Variants in PLXNA4 observed in about 807,000 individuals in gnomAD.
PLXNA4 encodes plexin-A4.
A neutral mutation model predicts 191.8 loss-of-function variants in PLXNA4; 44 were observed. The ratio of observed to expected loss-of-function variants is 0.23; its 90% CI spans 0.18 to 0.29. PLXNA4 has a LOEUF of 0.29. Among genes scored for constraint, PLXNA4 ranks in the 10% least tolerant of loss-of-function variants. The pLI is 1.00. For synonymous variants in PLXNA4, 1,082 were observed against 1,009.5 expected (o/e 1.07, Z -1.36); for missense variants, 1,800 against 2,488.8 (o/e 0.72, Z 5.89).
At chr7:132,189,031 A>G (rs1255085525) in intron 14 of PLXNA4, among the ~76,000 whole-genome samples, 5 of 28,246 alleles carry the variant, frequency 1.8e-4, no homozygotes, top group African/African-American at 6.9e-4. Context: ...AGAGAGAGAA[A>G]GAGAGAGAGA....
At chr7:132,557,198 G>A (rs1425290766) in intron 1 of PLXNA4, among the ~76,000 whole-genome samples, 1 of 152,200 alleles carries the variant, frequency 6.6e-6, no homozygotes, top group African/African-American at 2.4e-5. Context: ...CCTGTGATCA[G>A]TCACAAAATT....
intron 4 of PLXNA4, among the ~76,000 whole-genome samples, chr7:132,289,314 CACTT>C (rs1800797758): frequency 6.6e-6 from 1 of 152,222 alleles, no homozygotes; most frequent in African/African-American, 2.4e-5. Flanking sequence ...ATCCTGACTC[CACTT>C]AATCCACTTG....
chr7:132,151,290 G>A (rs140546173), intron 25 of PLXNA4, among the ~76,000 whole-genome samples: 677 of 57,498 alleles, frequency 0.012, 13 homozygotes, highest in African/African-American at 0.045. Context: ...AGGAGGAGGA[G>A]GAAGAAGAAG....
Position 132,130,282 on chromosome 7 carries a change from G to A in PLXNA4, c.*197C>T, listed in dbSNP as rs1372114438. On this transcript the variant is annotated 3_prime_UTR_variant, in exon 32 of 32. Transcript: ENST00000321063. ...AGGGTCAGTGGCTTGGTCCAATCGTGTTGGCAGAGCAACTGGAAGAGAAGA... is the reference window on the plus strand; with the variant it reads ...AGGGTCAGTGGCTTGGTCCAATCGTATTGGCAGAGCAACTGGAAGAGAAGA... 4.0e-6 allele frequency: 3 copies of A among 745,350 alleles called. No homozygotes were observed. Among genetic ancestry groups the A allele is most frequent in the Non-Finnish European group, 6.3e-6 (3 of 475,022 alleles). 46.2% of individuals were successfully genotyped at this position (745,350 alleles called of 1,614,324 possible).
intron 2 of PLXNA4, among the ~76,000 whole-genome samples, chr7:132,583,065 CACTT>C (rs1474439534): frequency 6.6e-6 from 1 of 152,196 alleles, no homozygotes; most frequent in East Asian, 1.9e-4. Flanking sequence ...ATCCAGCACT[CACTT>C]AAGATGGGCC....
upstream of PLXNA4, among the ~76,000 whole-genome samples, chr7:132,580,647 T>C (rs1036893222): frequency 6.6e-6 from 1 of 152,178 alleles, no homozygotes; most frequent in Admixed American, 6.5e-5. Context: ...ACCAGTTTAA[T>C]AGGAAAGAGG....
chr7:132,165,289 A>G lies in PLXNA4; in HGVS notation c.4287-89T>C, dbSNP rs1796089335. 3 of 1,515,380 alleles carry G rather than the reference A, an allele frequency of 2.0e-6. No individual in the cohort carries two copies. In the Admixed American group the frequency reaches 5.9e-5, roughly 30 times the overall value. The allele number at this position is 1,515,380 out of a possible 1,614,324, so 93.9% of individuals were successfully genotyped here. A position where few individuals can be genotyped will look rare whatever the true frequency, so the allele number is the denominator to read the frequency against. ...CGTGGGCTGGGAAGGGCAAGGGAGG[A>G]ATTGTGCATTGATCTTGCTGCTTCT... On this transcript the variant is annotated intron_variant, in intron 22 of 31. Transcript: ENST00000321063.
intron 12 of PLXNA4, among the ~76,000 whole-genome samples, chr7:132,200,385 G>A (rs908168527): frequency 2.6e-5 from 4 of 152,194 alleles, no homozygotes; most frequent in African/African-American, 9.6e-5. Flanking sequence ...GACTGGGAAG[G>A]GAGGACATGG....
intron 9 of PLXNA4, among the ~76,000 whole-genome samples, chr7:132,213,610 A>G (rs909244146): frequency 6.6e-6 from 1 of 152,170 alleles, no homozygotes; most frequent in African/African-American, 2.4e-5. Flanking sequence ...CACACAGAGG[A>G]AAGAAGCGAT....
intron 1 of PLXNA4, among the ~76,000 whole-genome samples, chr7:132,552,217 G>A (rs1397295688): frequency 6.6e-6 from 1 of 152,180 alleles, no homozygotes; most frequent in East Asian, 1.9e-4. Flanking sequence ...CAGAGATGGT[G>A]TCCAGGATCA....
chr7:132,138,971 C>T (rs900509230), intron 30 of PLXNA4, among the ~76,000 whole-genome samples: 1 of 152,250 alleles, frequency 6.6e-6, no homozygotes, highest in Admixed American at 6.5e-5. Context: ...AACAGCCCAG[C>T]TGCTGCCTCT....
chr7:132,145,092 T>A (rs1192413630), intron 29 of PLXNA4, 27 bp downstream of exon 29: 3 of 1,613,464 alleles, frequency 1.9e-6, no homozygotes, highest in African/African-American at 2.7e-5. Context: ...GGGCTCCCGA[T>A]GTGCCCCCTG....
intron 24 of PLXNA4, among the ~76,000 whole-genome samples, chr7:132,162,963 C>T (rs953876517): frequency 6.6e-6 from 1 of 152,136 alleles, no homozygotes; most frequent in East Asian, 1.9e-4. Flanking sequence ...CTGAGAATCA[C>T]ACTCCCTCCC....
chr7:132,516,905 C>T (rs952735209), intron 1 of PLXNA4, among the ~76,000 whole-genome samples: 5 of 152,072 alleles, frequency 3.3e-5, no homozygotes, highest in South Asian at 2.1e-4. Flanking sequence ...AGCGGTGAGC[C>T]GAGATTGTGC....
rs533238882 is a variant in PLXNA4, at chr7:132,229,361, A to G, written c.1605-892T>C. Among the ~76,000 whole-genome samples, 7 of 152,310 alleles carry G rather than the reference A, an allele frequency of 4.6e-5. No homozygotes were observed. The East Asian group carries it at 9.6e-4, about 21-fold the overall frequency. On this transcript the variant is annotated intron_variant, in intron 5 of 31. Coordinates refer to ENST00000321063, the MANE Select transcript of PLXNA4 (RefSeq NM_020911.2). The stretch of plus-strand genomic sequence containing the variant: ...TGAAGGTTTGTGAAAGATGCATGTA[A>G]AAAACATGGAACTCTCCTGAAATGC...
At chr7:132,383,452 C>G (rs2116951334) in intron 3 of PLXNA4, 1 of 523,372 alleles carries the variant, frequency 1.9e-6, no homozygotes, top group East Asian at 1.5e-4. Flanking sequence ...ATAAATAAAC[C>G]ACACCTCATC....
intron 1 of PLXNA4, among the ~76,000 whole-genome samples, chr7:132,529,608 T>C (rs947652543): frequency 4.0e-4 from 20 of 49,424 alleles, no homozygotes; most frequent in Non-Finnish European, 7.7e-4. Context: ...ATAGGTATTC[T>C]TTTTTTTTTT....
chr7:132,648,255 C>T (rs920454961), intron 1 of PLXNA4, among the ~76,000 whole-genome samples: 1 of 152,182 alleles, frequency 6.6e-6, no homozygotes, highest in Admixed American at 6.5e-5. Context: ...AGCACAGAAA[C>T]GCTTTCCATT....
chr7:132,221,220 G>A (rs1009079930), intron 9 of PLXNA4, among the ~76,000 whole-genome samples: 2 of 151,904 alleles, frequency 1.3e-5, no homozygotes, highest in Admixed American at 6.6e-5. Context: ...AAAGAAATTT[G>A]GTACAAGAAG....
Sources: gnomAD v4.1 joint callset for allele counts (sites outside exome capture counted in the v4.1 genomes callset) on GRCh38, gnomAD v4.1.1 for gene constraint, MANE v1.5 for transcripts, NCBI Gene and HGNC (gene_info 2026-07-23, HGNC 2026-07-21) for gene names.